The following SAMSN1 variants were observed in gnomAD, a reference collection of about 807,000 sequenced individuals.
SAMSN1 encodes the protein SAM domain-containing protein SAMSN-1.
Under a neutral mutation model 42.0 loss-of-function variants are expected in SAMSN1, and 31 were observed. The ratio of observed to expected loss-of-function variants is 0.74; its 90% CI spans 0.55 to 1.00. The LOEUF (loss-of-function observed/expected upper bound fraction) is 1.00. Ranked by LOEUF, SAMSN1 falls within the 50% of genes least tolerant of loss-of-function variation. The probability of loss-of-function intolerance (pLI) is 0.00; values close to 1 mark genes in which losing one functional copy is unlikely to be tolerated. For synonymous variants in SAMSN1, 178 were observed against 151.9 expected, an observed-to-expected ratio of 1.17 and a Z score of -1.26; for missense variants, 464 against 439.4, an observed-to-expected ratio of 1.06 and a Z score of -0.50.
intron 1 of SAMSN1, among the ~76,000 whole-genome samples, 181 bp from the exon 2 acceptor site, chr21:14,521,402 A>C (rs552261909): frequency 1.6e-4 from 24 of 152,342 alleles, no homozygotes; most frequent in Admixed American, 1.2e-3. Context: ...TTTTATATTT[A>C]CAGTTGATCA....
intron 5 of SAMSN1, among the ~76,000 whole-genome samples, chr21:14,503,140 C>T (rs550232795): frequency 6.6e-6 from 1 of 152,176 alleles, no homozygotes; most frequent in African/African-American, 2.4e-5. Context: ...ATAGGAGGGA[C>T]TTTGCAGATC....
intron 2 of SAMSN1, among the ~76,000 whole-genome samples, chr21:14,618,689 T>C (rs771587511): frequency 0.083 from 1,751 of 21,082 alleles, 40 homozygotes; most frequent in African/African-American, 0.15. Flanking sequence ...TGTGTGTGTG[T>C]GTGCGCGCGC....
chr21:14,488,059 T>C (rs2123634892), intron 7 of SAMSN1, among the ~76,000 whole-genome samples: 1 of 152,268 alleles, frequency 6.6e-6, no homozygotes, highest in South Asian at 2.1e-4. Flanking sequence ...AATTGCTTTC[T>C]ATCCTGCCTT....
chr21:14,581,087 G>T (rs1204874284), intron 2 of SAMSN1, among the ~76,000 whole-genome samples: 1 of 152,012 alleles, frequency 6.6e-6, no homozygotes, highest in African/African-American at 2.4e-5. Context: ...AAAAAAAGTA[G>T]CACAGCCAGA....
chr21:14,568,592 C>G (rs1336182914), intron 2 of SAMSN1, among the ~76,000 whole-genome samples: 7 of 152,216 alleles, frequency 4.6e-5, no homozygotes, highest in African/African-American at 1.7e-4. Context: ...TAGAAGAGGT[C>G]TTAGTGGTCA....
intron 5 of SAMSN1, among the ~76,000 whole-genome samples, chr21:14,507,216 A>G (rs1568773469): frequency 6.6e-6 from 1 of 152,204 alleles, no homozygotes; most frequent in Admixed American, 6.5e-5. Context: ...AGAAAGAAAT[A>G]AAGGGCATCT....
intron 4 of SAMSN1, chr21:14,609,574 G>A (rs751194233): frequency 2.8e-6 from 2 of 717,850 alleles, no homozygotes; most frequent in Admixed American, 4.0e-5. Flanking sequence ...TCCTTCTAAA[G>A]TGAAGCAGAT....
At position 14,510,286 on chromosome 21, in the gene SAMSN1, A is replaced by G. The variant is rs763150496; in HGVS notation, c.561+24T>C. 3.1e-6 allele frequency: 5 copies of G among 1,611,958 alleles called. No homozygotes were observed. In the East Asian group the frequency reaches 1.1e-4, roughly 36 times the overall value. On this transcript the variant is annotated intron_variant, in intron 5 of 7. Coordinates refer to ENST00000400566, the MANE Select transcript of SAMSN1 (RefSeq NM_022136.5). Reference sequence around the variant, plus strand: ...ATCAGCATTTGACAGACCATTCAGAAGGTGGGATATGATGTCCTCTCACCT... The same window carrying G: ...ATCAGCATTTGACAGACCATTCAGAGGGTGGGATATGATGTCCTCTCACCT...
chr21:14,528,488 C>T (rs1266429827), intron 1 of SAMSN1, among the ~76,000 whole-genome samples: 1 of 152,154 alleles, frequency 6.6e-6, no homozygotes, highest in Non-Finnish European at 1.5e-5. Flanking sequence ...AGGCTCTGTG[C>T]TTATGTCCTG....
intron 7 of SAMSN1, among the ~76,000 whole-genome samples, chr21:14,490,753 A>G (rs1986649968): frequency 6.6e-6 from 1 of 152,188 alleles, no homozygotes; most frequent in Admixed American, 6.5e-5. Flanking sequence ...CCATGAGAAG[A>G]TATGGAGTTG....
chr21:14,577,041 T>C (rs555047851), intron 2 of SAMSN1, among the ~76,000 whole-genome samples: 43 of 136,720 alleles, frequency 3.1e-4, no homozygotes, highest in African/African-American at 1.2e-3. Context: ...CTAGATTGCA[T>C]CCGTTTCTTT....
intron 2 of SAMSN1, among the ~76,000 whole-genome samples, chr21:14,565,386 C>T (rs1306210934): frequency 6.6e-6 from 1 of 151,806 alleles, no homozygotes; most frequent in Non-Finnish European, 1.5e-5. Flanking sequence ...ATTGATAACA[C>T]TAGCTTTTAC....
chr21:14,619,167 G>A lies in SAMSN1; in HGVS notation c.157-3151C>T, dbSNP rs141268282. ...ATATCAAATATATTTCTATTCTCAT[G>A]CAGAGGTTACAGATGACTATCCTTT... is the stretch of plus-strand genomic sequence containing the variant. On this transcript the variant is annotated intron_variant, in intron 2 of 15. Coordinates refer to the SAMSN1 transcript ENST00000647101. Among the ~76,000 whole-genome samples, 127 of 152,294 alleles carry A rather than the reference G, an allele frequency of 8.3e-4. 2 individuals carry two copies. In the South Asian group the frequency reaches 0.011, roughly 13 times the overall value.
intron 2 of SAMSN1, among the ~76,000 whole-genome samples, chr21:14,563,514 G>C (rs1273494139): frequency 1.3e-5 from 2 of 152,026 alleles, no homozygotes; most frequent in Non-Finnish European, 2.9e-5. Context: ...GAAAGTTAAG[G>C]CTCAAAAAAG....
intron 2 of SAMSN1, among the ~76,000 whole-genome samples, chr21:14,579,791 G>A (rs1443789725): frequency 6.6e-6 from 1 of 151,686 alleles, no homozygotes; most frequent in African/African-American, 2.4e-5. Flanking sequence ...CACTTCTTCA[G>A]ATATTTATTG....
At chr21:14,639,011 T>A (rs1462725406) in intron 2 of SAMSN1, among the ~76,000 whole-genome samples, 1 of 152,240 alleles carries the variant, frequency 6.6e-6, no homozygotes, top group Non-Finnish European at 1.5e-5. Context: ...ATGCAGAAGA[T>A]ATGAATAATA....
At chr21:14,578,437 T>C (rs563964373) in intron 2 of SAMSN1, among the ~76,000 whole-genome samples, 23 of 152,042 alleles carry the variant, frequency 1.5e-4, no homozygotes, top group Admixed American at 7.9e-4. Flanking sequence ...TCTGATGTAA[T>C]AATAGAATCA....
intron 2 of SAMSN1, among the ~76,000 whole-genome samples, chr21:14,617,055 A>C (rs1202148906): frequency 6.6e-6 from 1 of 152,060 alleles, no homozygotes; most frequent in Non-Finnish European, 1.5e-5. Context: ...CGTTGCTAAA[A>C]CCCCACACAC....
intron 3 of SAMSN1, among the ~76,000 whole-genome samples, chr21:14,614,097 T>C (rs1422413588): frequency 6.6e-6 from 1 of 152,136 alleles, no homozygotes; most frequent in East Asian, 1.9e-4. Context: ...AGCATTTGAG[T>C]CTGTCAGAAA....
Sources: allele counts gnomAD v4.1 joint callset (sites outside exome capture counted in the v4.1 genomes callset), GRCh38; gene constraint gnomAD v4.1.1; transcripts MANE v1.5; gene names NCBI Gene and HGNC (gene_info 2026-07-23, HGNC 2026-07-21).